The following CAMK2D variants were observed in gnomAD, a reference collection of about 807,000 sequenced individuals.
CAMK2D encodes the protein calcium/calmodulin dependent protein kinase II delta, also known as calcium/calmodulin-dependent protein kinase type II subunit delta.
A neutral mutation model predicts 84.0 loss-of-function variants in CAMK2D; 37 were observed. That is an observed-to-expected ratio of 0.44 (90% CI 0.34 to 0.58). CAMK2D has a LOEUF of 0.58. Ranked by LOEUF, CAMK2D falls within the 20% of genes least tolerant of loss-of-function variation. CAMK2D has a pLI of 0.02. For missense variants in CAMK2D, 448 were observed against 652.5 expected (o/e 0.69, Z 3.41); for synonymous variants, 202 against 212.5 (o/e 0.95, Z 0.43).
At chr4:113,476,957 C>A (rs1396427442) in intron 16 of CAMK2D, among the ~76,000 whole-genome samples, 1 of 152,136 alleles carries the variant, frequency 6.6e-6, no homozygotes, top group Non-Finnish European at 1.5e-5. Flanking sequence ...CCCAACCAAT[C>A]AGCAGCACCC....
intron 8 of CAMK2D, among the ~76,000 whole-genome samples, chr4:113,522,072 A>G (rs886537098): frequency 6.6e-6 from 1 of 152,214 alleles, no homozygotes; most frequent in Non-Finnish European, 1.5e-5. Flanking sequence ...AGAAGCACTG[A>G]TTACAATTAG....
chr4:113,647,897 T>TTGAAAACCATGATAAAACA (rs2154299252), intron 3 of CAMK2D, among the ~76,000 whole-genome samples: 1 of 152,360 alleles, frequency 6.6e-6, no homozygotes, highest in Non-Finnish European at 1.5e-5. Flanking sequence ...AGAATAACAT[T>TTGAAAACCATGATAAAACA]TGAAAACCAT....
At chr4:113,510,296 ATTC>A (rs1181062599) in intron 12 of CAMK2D, among the ~76,000 whole-genome samples, 1 of 152,220 alleles carries the variant, frequency 6.6e-6, no homozygotes, top group Non-Finnish European at 1.5e-5. Flanking sequence ...GGCATTATGT[ATTC>A]TTTTATACAT....
At chr4:113,744,103 G>A (rs1050208509) in intron 2 of CAMK2D, among the ~76,000 whole-genome samples, 2 of 152,066 alleles carry the variant, frequency 1.3e-5, no homozygotes, top group Non-Finnish European at 2.9e-5. Flanking sequence ...GCCTCCCAAA[G>A]TGCTGGGATT....
At chr4:113,692,030 G>T (rs79783355) in intron 2 of CAMK2D, among the ~76,000 whole-genome samples, 1 of 152,166 alleles carries the variant, frequency 6.6e-6, no homozygotes, top group Non-Finnish European at 1.5e-5. Context: ...TTAAAATGCT[G>T]CTGAGGAAAC....
At chr4:113,459,466 C>G (rs1436094612) in intron 18 of CAMK2D, among the ~76,000 whole-genome samples, 1 of 152,090 alleles carries the variant, frequency 6.6e-6, no homozygotes, top group Non-Finnish European at 1.5e-5. Context: ...CTATCGCTAT[C>G]CTGCCACCTC....
intron 2 of CAMK2D, among the ~76,000 whole-genome samples, chr4:113,723,811 G>C (rs1364622393): frequency 1.3e-5 from 2 of 152,000 alleles, no homozygotes; most frequent in African/African-American, 4.8e-5. Flanking sequence ...CAAAGAATGG[G>C]GTAGAAAAAC....
chr4:113,646,105 T>C (rs892859603), intron 3 of CAMK2D, among the ~76,000 whole-genome samples: 2 of 152,228 alleles, frequency 1.3e-5, no homozygotes, highest in Non-Finnish European at 2.9e-5. Flanking sequence ...GGGCCATTGA[T>C]AGTCATTTTA....
intron 8 of CAMK2D, among the ~76,000 whole-genome samples, chr4:113,530,690 AG>A (rs536700241): frequency 6.6e-6 from 1 of 152,328 alleles, no homozygotes; most frequent in Non-Finnish European, 1.5e-5. Flanking sequence ...GAAGACACAA[AG>A]AGAGGATAAC....
rs114277531 is a variant in CAMK2D, at chr4:113,454,394, G to A, written c.*151C>T. 3.1e-3 allele frequency: 2,236 copies of A among 728,300 alleles called. 12 individuals are homozygous for A. Among genetic ancestry groups the A allele is most frequent in the African/African-American group, 0.018 (1,040 of 57,450 alleles). 45.1% of individuals were successfully genotyped at this position (728,300 alleles called of 1,614,324 possible). A position where few individuals can be genotyped will look rare whatever the true frequency, so the allele number is the denominator to read the frequency against. ...ATGATGCATCACATATGCATTACAT[G>A]TAGGACCTTCACAACTTCATGCACT... On this transcript the variant is annotated 3_prime_UTR_variant, in exon 21 of 21. Transcript: ENST00000511664.
chr4:113,603,544 A>G (rs1454573888), intron 4 of CAMK2D, among the ~76,000 whole-genome samples: 3 of 150,782 alleles, frequency 2.0e-5, no homozygotes, highest in African/African-American at 7.3e-5. Context: ...CAATGAGAAC[A>G]CATGGATACA....
At chr4:113,538,333 T>C (rs2098507369) in intron 6 of CAMK2D, among the ~76,000 whole-genome samples, 2 of 152,288 alleles carry the variant, frequency 1.3e-5, no homozygotes, top group Middle Eastern at 3.4e-3. Flanking sequence ...GGGAACAGTC[T>C]TCAATTTCCA....
At chr4:113,648,915 A>C (rs1363650505) in intron 3 of CAMK2D, among the ~76,000 whole-genome samples, 1 of 152,152 alleles carries the variant, frequency 6.6e-6, no homozygotes, top group Non-Finnish European at 1.5e-5. Context: ...GAAATGTTCC[A>C]ATCCTTAAAA....
intron 3 of CAMK2D, among the ~76,000 whole-genome samples, chr4:113,632,619 TAA>T (rs545435732): frequency 1.4e-5 from 2 of 143,504 alleles, no homozygotes; most frequent in African/African-American, 2.5e-5. Context: ...TAGCTCAGTT[TAA>T]AAAAAAAAAA....
chr4:113,730,083 C>A (rs2099560426), intron 2 of CAMK2D, among the ~76,000 whole-genome samples: 1 of 152,166 alleles, frequency 6.6e-6, no homozygotes, highest in Non-Finnish European at 1.5e-5. Flanking sequence ...AGATTATAAG[C>A]TTTATAAAGA....
intron 3 of CAMK2D, among the ~76,000 whole-genome samples, chr4:113,633,935 A>G (rs2099100344): frequency 1.3e-5 from 2 of 152,268 alleles, no homozygotes; most frequent in Admixed American, 1.3e-4. Flanking sequence ...AAAAACTTAC[A>G]ACCACACAAT....
intron 16 of CAMK2D, among the ~76,000 whole-genome samples, chr4:113,479,125 T>A (rs1023451969): frequency 6.6e-6 from 1 of 152,210 alleles, no homozygotes; most frequent in Non-Finnish European, 1.5e-5. Context: ...AGATAGTTAG[T>A]TTCTTTTGAG....
rs536726687 is a variant in CAMK2D at position 113,454,334 on chromosome 4, G to C, written c.*211C>G. 4 of 428,440 alleles carry C rather than the reference G, an allele frequency of 9.3e-6. No individual in the cohort carries two copies. In the East Asian group the frequency reaches 1.0e-4, roughly 11 times the overall value. 26.5% of individuals were successfully genotyped at this position (428,440 alleles called of 1,614,324 possible). ...TGTGTGGAACATCCCCGTAGTTGAA[G>C]TGTAAACAATGTATAGGAAGGAATA... On this transcript the variant is annotated 3_prime_UTR_variant, in exon 21 of 21. Coordinates refer to ENST00000511664, the MANE Select transcript of CAMK2D (RefSeq NM_001321571.2).
At chr4:113,730,029 C>T (rs1057250573) in intron 2 of CAMK2D, among the ~76,000 whole-genome samples, 1 of 152,106 alleles carries the variant, frequency 6.6e-6, no homozygotes, top group African/African-American at 2.4e-5. Context: ...TATTAACACC[C>T]GTGCACATCT....
Sources: gnomAD v4.1 joint callset for allele counts (sites outside exome capture counted in the v4.1 genomes callset) on GRCh38, gnomAD v4.1.1 for gene constraint, MANE v1.5 for transcripts, NCBI Gene and HGNC (gene_info 2026-07-23, HGNC 2026-07-21) for gene names.